The following TLN2 variants were observed in gnomAD, a reference collection of about 807,000 sequenced individuals.
The protein encoded by TLN2 is talin-2.
A neutral mutation model predicts 294.7 loss-of-function variants in TLN2; 118 were observed. The observed-to-expected ratio is 0.40, with a 90% CI of 0.34 to 0.47. TLN2 has a LOEUF of 0.47. Among genes scored for constraint, TLN2 ranks in the 20% least tolerant of loss-of-function variants. TLN2 has a pLI of 0.84. For missense variants in TLN2, 3,083 were observed against 3,282.2 expected, an observed-to-expected ratio of 0.94 and a Z score of 1.48; for synonymous variants, 1,431 against 1,304.5, an observed-to-expected ratio of 1.10 and a Z score of -2.09.
chr15:62,504,906 G>C (rs1418435200), intron 1 of TLN2, among the ~76,000 whole-genome samples: 1 of 151,506 alleles, frequency 6.6e-6, no homozygotes, highest in Non-Finnish European at 1.5e-5. Flanking sequence ...CTGCCCCACT[G>C]CTCACTTTTT....
chr15:62,826,292 A>C (rs2068192246), intron 54 of TLN2, among the ~76,000 whole-genome samples: 1 of 152,220 alleles, frequency 6.6e-6, no homozygotes, highest in Non-Finnish European at 1.5e-5. Context: ...AATGGATACT[A>C]TGGGAAAACT....
intron 1 of TLN2, among the ~76,000 whole-genome samples, chr15:62,497,588 G>A (rs79869561): frequency 0.024 from 3,599 of 152,190 alleles, 46 homozygotes; most frequent in Non-Finnish European, 0.027. Context: ...GTTTCTCAGG[G>A]CTCTTTCCTA....
At chr15:62,521,801 A>C (rs983875433) in intron 1 of TLN2, among the ~76,000 whole-genome samples, 1 of 152,152 alleles carries the variant, frequency 6.6e-6, no homozygotes, top group Non-Finnish European at 1.5e-5. Context: ...CCCATGAAAG[A>C]TGGTTTTGCA....
Position 62,574,651 on chromosome 15 carries a change from A to G in TLN2, c.-237-15036A>G, listed in dbSNP as rs536020884. On this transcript the variant is annotated intron_variant, in intron 1 of 58. Transcript: ENST00000636159. ...TTCCTTTTGTGTGTGTAATGAGTATAATGAATACTTGATGTTTTTGCTTAC... is the reference window on the plus strand; with the variant it reads ...TTCCTTTTGTGTGTGTAATGAGTATGATGAATACTTGATGTTTTTGCTTAC... Among the ~76,000 whole-genome samples, 3 of 146,404 alleles carry G rather than the reference A, an allele frequency of 2.0e-5. No individual in the cohort carries two copies. The East Asian group carries it at 6.2e-4, about 30-fold the overall frequency.
At chr15:62,447,814 G>C (rs996499075) in intron 1 of TLN2, among the ~76,000 whole-genome samples, 1 of 152,144 alleles carries the variant, frequency 6.6e-6, no homozygotes, top group Non-Finnish European at 1.5e-5. Flanking sequence ...ATCCCCAGAG[G>C]CTATGAAGGG....
chr15:62,827,015 G>C (rs1306051065), intron 54 of TLN2, among the ~76,000 whole-genome samples: 2 of 152,152 alleles, frequency 1.3e-5, no homozygotes, highest in Admixed American at 1.3e-4. Flanking sequence ...AGTTTGTGGA[G>C]CCAGTTGTGA....
At chr15:62,417,176 G>A (rs1167106229) in intron 1 of TLN2, among the ~76,000 whole-genome samples, 1 of 152,132 alleles carries the variant, frequency 6.6e-6, no homozygotes, top group East Asian at 1.9e-4. Flanking sequence ...GCATCTGATA[G>A]TTGTCTAGTC....
chr15:62,627,697 AATTG>A (rs1299954155), intron 3 of TLN2, among the ~76,000 whole-genome samples: 2 of 152,232 alleles, frequency 1.3e-5, no homozygotes, highest in African/African-American at 4.8e-5. Context: ...GAGTTTTAAA[AATTG>A]ATTATTATGC....
chr15:62,717,809 C>G (rs2059879628), intron 24 of TLN2, 120 bp downstream of exon 24: 1 of 689,924 alleles, frequency 1.4e-6, no homozygotes, highest in Non-Finnish European at 2.2e-6. Flanking sequence ...CCAATTTGCC[C>G]CAGTTCCCAT....
chr15:62,679,220 C>T (rs2056561044), intron 11 of TLN2, among the ~76,000 whole-genome samples: 1 of 152,068 alleles, frequency 6.6e-6, no homozygotes, highest in African/African-American at 2.4e-5. Flanking sequence ...CTGTCATTTC[C>T]TCAGTTGATT....
intron 28 of TLN2, among the ~76,000 whole-genome samples, chr15:62,727,776 G>A (rs1257427157): frequency 6.6e-6 from 1 of 152,184 alleles, no homozygotes; most frequent in Non-Finnish European, 1.5e-5. Context: ...TGTTATTGTG[G>A]TAGGAAGTCT....
At chr15:62,787,158 G>C (rs1284821696) in intron 45 of TLN2, among the ~76,000 whole-genome samples, 5 of 152,116 alleles carry the variant, frequency 3.3e-5, no homozygotes. Context: ...AGCCTCCCAA[G>C]TGCTGGGATT....
chr15:62,545,665 A>G (rs187946496), intron 1 of TLN2, among the ~76,000 whole-genome samples: 24 of 152,230 alleles, frequency 1.6e-4, no homozygotes, highest in African/African-American at 4.6e-4. Context: ...ATAGTGAACA[A>G]TTGTTCCCTG....
chr15:62,566,452 C>T (rs563366190), intron 1 of TLN2, among the ~76,000 whole-genome samples: 1 of 151,774 alleles, frequency 6.6e-6, no homozygotes, highest in African/African-American at 2.4e-5. Flanking sequence ...GGGTATAAGG[C>T]GAGTTCTAGG....
chr15:62,414,164 CTATATATATATA>C, intron 1 of TLN2, among the ~76,000 whole-genome samples: 2 of 90,624 alleles, frequency 2.2e-5, no homozygotes, highest in South Asian at 6.3e-4. Flanking sequence ...AAAAAAAAAA[CTATATATATATA>C]TATATATATA....
intron 37 of TLN2, among the ~76,000 whole-genome samples, chr15:62,756,887 C>G (rs954620198): frequency 7.1e-6 from 1 of 140,922 alleles, no homozygotes; most frequent in African/African-American, 2.6e-5. Context: ...GCTGTTTAAA[C>G]AAAGAGTCTT....
intron 54 of TLN2, chr15:62,833,218 T>C (rs1414553501): frequency 5.6e-6 from 2 of 354,488 alleles, no homozygotes; most frequent in Non-Finnish European, 1.0e-5. Flanking sequence ...CAAAGAAAAC[T>C]ATTGCTGTGC....
intron 1 of TLN2, among the ~76,000 whole-genome samples, chr15:62,408,551 T>C (rs2033569997): frequency 6.6e-6 from 1 of 152,222 alleles, no homozygotes; most frequent in Non-Finnish European, 1.5e-5. Context: ...TTATAAGCTT[T>C]GGCCACTAGC....
Position 62,833,586 on chromosome 15 carries a change from A to C in TLN2, c.7085A>C (p.Lys2362Thr). 1 of 1,614,200 alleles carries C rather than the reference A, an allele frequency of 6.2e-7. No homozygotes were observed. The highest frequency in any genetic ancestry group is 8.5e-7 in the Non-Finnish European group (1 of 1,180,032). ...SIAAATSALV[K>T]SASAAQRELV... Reference sequence around the variant, plus strand: ...GCTGCTGCCACAAGCGCCCTGGTCAAATCGGCCTCAGCAGCCCAGAGGGAG... The same window carrying C: ...GCTGCTGCCACAAGCGCCCTGGTCACATCGGCCTCAGCAGCCCAGAGGGAG... The change falls in exon 55 of 59, where the codon AAA becomes ACA. Residue 2362 changes from lysine (K) to threonine (T), a missense_variant. Lys to Thr is a moderately conservative substitution (Grantham distance 78). Coordinates refer to ENST00000636159, the MANE Select transcript of TLN2 (RefSeq NM_015059.3).
Sources: allele counts gnomAD v4.1 joint callset (sites outside exome capture counted in the v4.1 genomes callset), GRCh38; gene constraint gnomAD v4.1.1; transcripts MANE v1.5; gene names NCBI Gene and HGNC (gene_info 2026-07-23, HGNC 2026-07-21).